DOCK8: variants seen among roughly 807,000 people sequenced by gnomAD.
The protein encoded by DOCK8 is dedicator of cytokinesis protein 8.
A neutral mutation model predicts 245.6 loss-of-function variants in DOCK8; 141 were observed. The observed-to-expected ratio is 0.57, with a 90% confidence interval of 0.50 to 0.66. The LOEUF (loss-of-function observed/expected upper bound fraction) is 0.66, where lower values mean the gene tolerates loss of function less well. DOCK8 is among the 30% of genes least tolerant of loss of function. The pLI is 0.00. For synonymous variants in DOCK8, 1,168 were observed against 970.2 expected (o/e 1.20, Z -3.79); for missense variants, 2,965 against 2,603.4 (o/e 1.14, Z -3.02).
intron 44 of DOCK8, among the ~76,000 whole-genome samples, chr9:448,848 G>C (rs1019913908): frequency 2.0e-5 from 3 of 152,134 alleles, no homozygotes; most frequent in African/African-American, 7.2e-5. Flanking sequence ...CATTTTGGGG[G>C]AACACAATTC....
intron 1 of DOCK8, among the ~76,000 whole-genome samples, chr9:228,658 G>A (rs546398963): frequency 4.6e-5 from 7 of 152,160 alleles, no homozygotes; most frequent in African/African-American, 1.7e-4. Context: ...AATTTCTTTT[G>A]TTTTACGCTA....
intron 29 of DOCK8, among the ~76,000 whole-genome samples, chr9:416,950 T>C (rs1404376985): frequency 2.6e-5 from 4 of 152,264 alleles, no homozygotes; most frequent in Non-Finnish European, 4.4e-5. Context: ...CCATGTGCTG[T>C]TTATTTAACC....
At chr9:436,205 C>G (rs1200822284) in intron 39 of DOCK8, among the ~76,000 whole-genome samples, 1 of 152,156 alleles carries the variant, frequency 6.6e-6, no homozygotes, top group African/African-American at 2.4e-5. Context: ...TCCTCAAGAA[C>G]AAAAATAGTC....
intron 14 of DOCK8, among the ~76,000 whole-genome samples, chr9:356,489 C>T (rs2052452840): frequency 6.7e-6 from 1 of 149,482 alleles, no homozygotes; most frequent in South Asian, 2.1e-4. Context: ...GAGATTGCAC[C>T]ACTGCACTCC....
chr9:420,967 A>C lies in DOCK8; in HGVS notation c.4042A>C (p.Lys1348Gln). 1 of 1,614,194 alleles carries C rather than the reference A, an allele frequency of 6.2e-7. No individual in the cohort carries two copies. Among genetic ancestry groups the C allele is most frequent in the South Asian group, 1.1e-5 (1 of 91,080 alleles). ...TGTCCAGGGAAAACAGAGTTCTGAC[A>C]AAGTCAGTACCCAAGTCCTGCAGAA... Reference protein sequence around the residue: ...FEYKGKQSSDKVSTQVLQKSR... With the variant: ...FEYKGKQSSDQVSTQVLQKSR... Residue 1348 changes from lysine (K) to glutamine (Q), a missense_variant, in exon 32 of 48, where the codon AAA (lysine) becomes CAA (glutamine). By Grantham distance (53) the Lys-to-Gln change is moderately conservative. This residue lies in a region of DOCK8 where 2,825 missense variants were observed against 2,453.5 expected (regional missense o/e 1.15). Coordinates refer to ENST00000432829, the MANE Select transcript of DOCK8 (RefSeq NM_203447.4).
At chr9:266,978 G>C (rs2048048079) in intron 1 of DOCK8, among the ~76,000 whole-genome samples, 1 of 152,162 alleles carries the variant, frequency 6.6e-6, no homozygotes, top group Middle Eastern at 3.2e-3. Flanking sequence ...AACGGAACCT[G>C]TGCAAACACC....
chr9:414,442 A>G (rs762283606), intron 28 of DOCK8, among the ~76,000 whole-genome samples: 2 of 152,262 alleles, frequency 1.3e-5, no homozygotes, highest in South Asian at 2.1e-4. Flanking sequence ...TCTGGATTCT[A>G]TGTAGTTCTA....
intron 15 of DOCK8, chr9:369,425 G>A (rs2053178663): frequency 6.6e-6 from 1 of 152,274 alleles, no homozygotes; most frequent in African/African-American, 2.4e-5. Flanking sequence ...CTAGAGGAAA[G>A]AGCTTTTTTT....
chr9:217,639 T>G (rs2046789084), intron 1 of DOCK8, among the ~76,000 whole-genome samples: 1 of 152,208 alleles, frequency 6.6e-6, no homozygotes, highest in Non-Finnish European at 1.5e-5. Context: ...CAGAAATTAT[T>G]ATTCAAAGGA....
At chr9:443,371 A>G in intron 42 of DOCK8, 56 bp from the exon 43 acceptor site, 2 of 1,513,594 alleles carry the variant, frequency 1.3e-6, no homozygotes, top group East Asian at 2.3e-5. Context: ...CCAAGAAGAC[A>G]AAGAGTTGCA....
chr9:286,600 A>G lies in DOCK8; in HGVS notation c.296A>G (p.Glu99Gly), dbSNP rs1586601212. The change falls in exon 3 of 48, where the codon GAA (glutamate) becomes GGA (glycine). Residue 99 changes from glutamate (E) to glycine (G), a missense_variant. Coordinates refer to ENST00000432829, the MANE Select transcript of DOCK8 (RefSeq NM_203447.4). ...TTGGACGTGGTGTTCACGCCAAAGG[A>G]ATGTAGGACTTTGCAGCCCTCTTTG... The part of the protein sequence containing the change: ...DDLDVVFTPK[E>G]CRTLQPSLPE... 1 of 1,613,986 alleles carries G rather than the reference A, an allele frequency of 6.2e-7. No homozygotes were observed. The highest frequency in any genetic ancestry group is 2.2e-5 in the East Asian group (1 of 44,876).
intron 1 of DOCK8, among the ~76,000 whole-genome samples, chr9:242,749 A>C (rs1048189908): frequency 1.3e-5 from 2 of 151,846 alleles, no homozygotes; most frequent in East Asian, 3.9e-4. Flanking sequence ...CCAACGAGTC[A>C]AAACTTACTT....
Position 464,218 on chromosome 9 carries a change from A to G in DOCK8, c.6299A>G (p.Ter2100=), listed in dbSNP as rs1272123772. 2 of 1,613,396 alleles carry G rather than the reference A, an allele frequency of 1.2e-6. No homozygotes were observed. The highest frequency in any genetic ancestry group is 1.3e-5 in the African/African-American group (1 of 75,018). ...KCETQLSQGS[*] The stretch of plus-strand genomic sequence containing the variant: ...GAAACCCAGTTGTCACAGGGCAGCT[A>G]AGAAAAGCCATCTTCATTCGTGGAG... Residue 2100 remains the stop codon, a stop_retained_variant, in exon 48 of 48, where the codon TAA becomes TGA. Coordinates refer to ENST00000432829, the MANE Select transcript of DOCK8 (RefSeq NM_203447.4).
At chr9:328,967 T>TTG (rs2050885833) in intron 9 of DOCK8, among the ~76,000 whole-genome samples, 1 of 141,946 alleles carries the variant, frequency 7.0e-6, no homozygotes, top group Non-Finnish European at 1.5e-5. Context: ...TTTTTTTTTT[T>TTG]GAGAGGAGTT....
At chr9:265,608 A>T (rs73374504) in intron 1 of DOCK8, among the ~76,000 whole-genome samples, 4,954 of 152,270 alleles carry the variant, frequency 0.033, 249 homozygotes, top group African/African-American at 0.11. Context: ...ATACTTATAG[A>T]CAAAGTTTTT....
intron 4 of DOCK8, among the ~76,000 whole-genome samples, chr9:292,368 CAA>C (rs1459090650): frequency 1.2e-5 from 1 of 84,562 alleles, no homozygotes; most frequent in Admixed American, 2.0e-4. Flanking sequence ...GCCTGGGCAA[CAA>C]GAGTGAAACT....
intron 10 of DOCK8, among the ~76,000 whole-genome samples, chr9:333,566 A>AC (rs1365116115): frequency 6.6e-6 from 1 of 150,888 alleles, no homozygotes; most frequent in Non-Finnish European, 1.5e-5. Flanking sequence ...GTGCCACTGC[A>AC]CTCCAGCCTG....
chr9:211,682 G>C (rs1587585101), upstream of DOCK8, among the ~76,000 whole-genome samples: 1 of 152,232 alleles, frequency 6.6e-6, no homozygotes, highest in East Asian at 1.9e-4. Flanking sequence ...AAAAAAGTTA[G>C]AGCTGACGTA....
intron 35 of DOCK8, 69 bp from the exon 36 acceptor site, chr9:429,633 T>C: frequency 6.4e-7 from 1 of 1,573,922 alleles, no homozygotes; most frequent in East Asian, 2.3e-5. Flanking sequence ...GACATTTGCA[T>C]ATTTCAACGG....
Sources: gnomAD v4.1 joint callset for allele counts (sites outside exome capture counted in the v4.1 genomes callset) on GRCh38, gnomAD v4.1.1 for gene constraint, gnomAD v4.1.1 regional missense constraint, MANE v1.5 for transcripts, NCBI Gene and HGNC (gene_info 2026-07-23, HGNC 2026-07-21) for gene names.